Variants in OS9 observed in about 807,000 individuals in gnomAD.
The protein encoded by OS9 is protein OS-9.
OS9 carries 58 observed loss-of-function variants against 84.7 expected under a neutral mutation model. The ratio of observed to expected loss-of-function variants is 0.68; its 90% CI spans 0.55 to 0.85. The LOEUF is 0.85. OS9 is among the 40% of genes least tolerant of loss of function. The pLI is 0.00. For synonymous variants in OS9, 278 were observed against 320.8 expected, an observed-to-expected ratio of 0.87 and a Z score of 1.43; for missense variants, 760 against 850.9, an observed-to-expected ratio of 0.89 and a Z score of 1.33.
At chr12:57,716,012 G>C (rs1323765014) in intron 6 of OS9, 42 bp downstream of exon 6, 5 of 1,599,502 alleles carry the variant, frequency 3.1e-6, no homozygotes, top group Admixed American at 3.3e-5. Context: ...GAGATACGGG[G>C]GCAGGGGGTG....
chr12:57,694,871 G>T lies in OS9; in HGVS notation c.284G>T (p.Gly95Val). ...EREEETPAYQ[G>V]PGIPELLSPM... ...GAGGAGGAAACACCTGCTTACCAAG[G>T]GCCTGGGATCCCTGAGTTGTTGAGC... Residue 95 changes from glycine to valine, a missense_variant, in exon 2 of 15, where the codon GGG becomes GTG. Physicochemically the swap from Gly to Val is moderately radical, Grantham distance 109 (BLOSUM62 -3). Coordinates refer to ENST00000315970, the MANE Select transcript of OS9 (RefSeq NM_006812.4). 6.2e-7 allele frequency: 1 copy of T among 1,614,136 alleles called. No individual in the cohort carries two copies. The highest frequency in any genetic ancestry group is 1.7e-4 in the Middle Eastern group (1 of 6,058).
intron 5 of OS9, among the ~76,000 whole-genome samples, chr12:57,701,131 C>G (rs1432998070): frequency 1.3e-5 from 2 of 152,034 alleles, no homozygotes; most frequent in African/African-American, 4.8e-5. Context: ...ATTTTTATTA[C>G]TGATATATAT....
At chr12:57,702,060 G>T in intron 5 of OS9, among the ~76,000 whole-genome samples, 1 of 152,122 alleles carries the variant, frequency 6.6e-6, no homozygotes, top group Non-Finnish European at 1.5e-5. Context: ...CTCCCAAAGT[G>T]CTGGGATTAC....
intron 5 of OS9, among the ~76,000 whole-genome samples, chr12:57,710,176 A>G (rs184281318): frequency 6.6e-6 from 1 of 152,202 alleles, no homozygotes. Flanking sequence ...TTAACTACTG[A>G]TTCATTTTCT....
intron 1 of OS9, 109 bp from the exon 2 acceptor site, chr12:57,694,641 T>A (rs1290306316): frequency 7.8e-6 from 9 of 1,160,358 alleles, no homozygotes; most frequent in Middle Eastern, 2.8e-4. Flanking sequence ...TATGGCTTAT[T>A]CTGTCTTCGA....
chr12:57,697,929 A>ATAAG lies in OS9; in HGVS notation c.579+1556_579+1557insTAAG, dbSNP rs1399996417. Among the ~76,000 whole-genome samples, 270 of 64,828 alleles carry ATAAG rather than the reference A, an allele frequency of 4.2e-3. 2 individuals carry two copies. Among genetic ancestry groups the ATAAG allele is most frequent in the African/African-American group, 7.0e-3 (153 of 21,750 alleles). The allele number at this position is 64,828 out of a possible 152,430, so 42.5% of individuals were successfully genotyped here. A position where few individuals can be genotyped will look rare whatever the true frequency, so the allele number is the denominator to read the frequency against. On this transcript the variant is annotated intron_variant, in intron 5 of 14. Coordinates refer to ENST00000315970, the MANE Select transcript of OS9 (RefSeq NM_006812.4). ...AGCAAACACACACACACACATACACACACACACACACACACACACACACAC... is the reference window on the plus strand; with the variant it reads ...AGCAAACACACACACACACATACACATAAGCACACACACACACACACACACACAC...
At chr12:57,711,868 C>T (rs545771026) in intron 5 of OS9, among the ~76,000 whole-genome samples, 2 of 152,288 alleles carry the variant, frequency 1.3e-5, no homozygotes, top group South Asian at 4.1e-4. Flanking sequence ...GAGAGAGGAT[C>T]ACTTGAGCCC....
At position 57,696,288 on chromosome 12, in the gene OS9, A is replaced by G; in HGVS notation, c.494A>G (p.His165Arg). 1.9e-6 allele frequency: 3 copies of G among 1,612,076 alleles called. No individual in the cohort carries two copies. Among genetic ancestry groups the G allele is most frequent in the Middle Eastern group, 1.7e-4 (1 of 6,054 alleles). The change falls in exon 5 of 15, where the codon CAT becomes CGT. Residue 165 changes from histidine (H) to arginine (R), a missense_variant. Physicochemically the swap from His to Arg is conservative, Grantham distance 29 (BLOSUM62 0). Transcript: ENST00000315970. ...DDETAKASKQ[H>R]RLKRYHSQTY... Reference sequence around the variant, plus strand: ...TGTCTTCTCCAGGCCTCCAAGCAGCATCGTCTTAAACGCTACCACAGCCAG... The same window carrying G: ...TGTCTTCTCCAGGCCTCCAAGCAGCGTCGTCTTAAACGCTACCACAGCCAG...
At chr12:57,712,536 T>G (rs1954361590) in intron 5 of OS9, among the ~76,000 whole-genome samples, 1 of 152,218 alleles carries the variant, frequency 6.6e-6, no homozygotes, top group Non-Finnish European at 1.5e-5. Flanking sequence ...ATGGCTACTT[T>G]TAACTCTTTG....
chr12:57,704,951 A>G (rs1954124751), intron 5 of OS9, among the ~76,000 whole-genome samples: 1 of 152,232 alleles, frequency 6.6e-6, no homozygotes. Context: ...TTATAAGGTT[A>G]GGACCTAGAT....
intron 5 of OS9, among the ~76,000 whole-genome samples, chr12:57,697,938 C>CGGA (rs1953911794): frequency 6.8e-6 from 1 of 146,340 alleles, no homozygotes; most frequent in African/African-American, 2.6e-5. Context: ...CACACACACA[C>CGGA]ACACACACAC....
intron 5 of OS9, among the ~76,000 whole-genome samples, chr12:57,715,261 G>A (rs1331662916): frequency 6.6e-6 from 1 of 152,126 alleles, no homozygotes; most frequent in African/African-American, 2.4e-5. Flanking sequence ...TCCTCGGGAG[G>A]CTGAGGCCGG....
In OS9 at chr12:57,720,143, C is replaced by T. The variant is rs1056923787; in HGVS notation, c.1645C>T (p.Arg549Cys). The change falls in exon 13 of 15, where the codon CGT (arginine) becomes TGT (cysteine). Residue 549 changes from arginine to cysteine, a missense_variant. Transcript: ENST00000315970. ...HRVRVRVTKL[R>C]LGGPNQDLTV... Reference sequence around the variant, plus strand: ...AGTCCGGGTCCGGGTCACCAAGCTCCGTCTCGGAGGCCCTAATCAGGATCT... The same window carrying T: ...AGTCCGGGTCCGGGTCACCAAGCTCTGTCTCGGAGGCCCTAATCAGGATCT... The T allele has an allele frequency of 6.2e-6, 10 of 1,614,048 alleles. No individual in the cohort carries two copies. The East Asian group carries it at 8.9e-5, about 14-fold the overall frequency.
chr12:57,703,226 T>G (rs1430864362), intron 5 of OS9, among the ~76,000 whole-genome samples: 1 of 152,186 alleles, frequency 6.6e-6, no homozygotes, highest in Non-Finnish European at 1.5e-5. Flanking sequence ...AAGAGTTTTA[T>G]AGTTTTAGCT....
chr12:57,718,354 A>G lies in OS9; in HGVS notation c.1343A>G (p.Asp448Gly), dbSNP rs1280123299. 6.2e-7 allele frequency: 1 copy of G among 1,614,090 alleles called. No individual in the cohort carries two copies. The highest frequency in any genetic ancestry group is 8.5e-7 in the Non-Finnish European group (1 of 1,180,046). ...CTGGAAGGGATCCTGCTTCCGTCAG[A>G]CCGAGACCGGCTCCGTTCGGAGGTG... ...KELEGILLPS[D>G]RDRLRSEVKA... The change falls in exon 11 of 15, where the codon GAC becomes GGC. Residue 448 changes from aspartate to glycine, a missense_variant. By Grantham distance (94) the Asp-to-Gly change is moderately conservative (BLOSUM62 -1). Coordinates refer to ENST00000315970, the MANE Select transcript of OS9 (RefSeq NM_006812.4).
intron 2 of OS9, chr12:57,695,465 T>C (rs1444451387): frequency 1.8e-6 from 1 of 560,362 alleles, no homozygotes; most frequent in Non-Finnish European, 3.3e-6. Context: ...TATGTTTCCC[T>C]AATATAATTG....
At position 57,714,594 on chromosome 12, in the gene OS9, G is replaced by C. The variant is rs573643006; in HGVS notation, c.580-1166G>C. Among the ~76,000 whole-genome samples, 31 of 152,172 alleles carry C rather than the reference G, an allele frequency of 2.0e-4. 1 individual carries two copies. The Middle Eastern group carries it at 0.02, about 100-fold the overall frequency. On this transcript the variant is annotated intron_variant, in intron 5 of 14. Transcript: ENST00000315970. ...ATGCTGCCATTTCAGAAGTAGGACC[G>C]CTCCCACTTTTTGTTTTTGAGACAA...
chr12:57,698,324 T>C (rs1953926125), intron 5 of OS9, among the ~76,000 whole-genome samples: 1 of 152,174 alleles, frequency 6.6e-6, no homozygotes, highest in African/African-American at 2.4e-5. Context: ...GTATTCTAGT[T>C]ATTCGTTTGG....
At position 57,696,356 on chromosome 12, in the gene OS9, C is replaced by T. The variant is rs770001856; in HGVS notation, c.562C>T (p.Arg188Trp). ...CAAGTGCGACCTTAATGGGAGGCCCCGGGAGGCCGAGGTTCGGGTGAGTCT... is the reference window on the plus strand; with the variant it reads ...CAAGTGCGACCTTAATGGGAGGCCCTGGGAGGCCGAGGTTCGGGTGAGTCT... ...GSKCDLNGRP[R>W]EAEVRFLCDE... The change falls in exon 5 of 15, where the codon CGG becomes TGG. Residue 188 changes from arginine (R) to tryptophan (W), a missense_variant. By Grantham distance (101) the Arg-to-Trp change is moderately radical. Coordinates refer to ENST00000315970, the MANE Select transcript of OS9 (RefSeq NM_006812.4). 36 of 1,589,034 alleles carry T rather than the reference C, an allele frequency of 2.3e-5. No homozygotes were observed. Among genetic ancestry groups the T allele is most frequent in the Middle Eastern group, 1.7e-4 (1 of 5,968 alleles).
Sources: allele counts gnomAD v4.1 joint callset (sites outside exome capture counted in the v4.1 genomes callset), GRCh38; gene constraint gnomAD v4.1.1; transcripts MANE v1.5; gene names NCBI Gene and HGNC (gene_info 2026-07-23, HGNC 2026-07-21).